DPP6: variants seen among roughly 807,000 people sequenced by gnomAD.
DPP6 encodes the protein dipeptidyl peptidase like 6.
In DPP6, 69 loss-of-function variants were observed where a neutral mutation model predicts 122.6. That is an observed-to-expected ratio of 0.56 (90% CI 0.46 to 0.69). DPP6 has a LOEUF of 0.69. Ranked by LOEUF, DPP6 falls within the 30% of genes least tolerant of loss-of-function variation. The pLI, the probability that DPP6 is intolerant of heterozygous loss-of-function variation, is 0.00. For synonymous variants in DPP6, 418 were observed against 433.1 expected (o/e 0.97, Z 0.43); for missense variants, 928 against 1,116.9 (o/e 0.83, Z 2.41).
intron 7 of DPP6, among the ~76,000 whole-genome samples, chr7:154,703,045 C>T (rs536141800): frequency 1.1e-4 from 16 of 152,288 alleles, no homozygotes; most frequent in South Asian, 4.1e-4. Flanking sequence ...AAGTCTACTC[C>T]GCCTATGCTC....
chr7:154,434,129 C>T (rs1307182698), intron 1 of DPP6, among the ~76,000 whole-genome samples: 1 of 152,146 alleles, frequency 6.6e-6, no homozygotes, highest in African/African-American at 2.4e-5. Flanking sequence ...TAAAATAAAA[C>T]ATTAACAGTC....
chr7:154,760,988 C>A lies in DPP6; in HGVS notation c.884-8429C>A, dbSNP rs758427182. 3.0e-4 allele frequency among the ~76,000 whole-genome samples: 46 copies of A among 152,074 alleles called. No individual in the cohort carries two copies. Among genetic ancestry groups the A allele is most frequent in the Non-Finnish European group, 5.9e-4 (40 of 68,008 alleles). ...TAGCTGGGACTACAGGCGCCTGCCACCATGCCCGGCTAATTTTTGTATTTT... is the reference window on the plus strand; with the variant it reads ...TAGCTGGGACTACAGGCGCCTGCCAACATGCCCGGCTAATTTTTGTATTTT... On this transcript the variant is annotated intron_variant, in intron 8 of 25. Transcript: ENST00000377770. This position sits in a 1 kb window ranked among gnomAD's most constrained non-coding sequence, Gnocchi z 4.5.
At chr7:153,840,249 GA>G in the DPP6 span, among the ~76,000 whole-genome samples, 9 of 151,420 alleles carry the variant, frequency 5.9e-5, no homozygotes, top group Admixed American at 1.3e-4. Flanking sequence ...AAATATCAGA[GA>G]AAAAAAACAT....
intron 16 of DPP6, among the ~76,000 whole-genome samples, chr7:154,816,952 T>A (rs73502116): frequency 0.094 from 14,248 of 152,178 alleles, 740 homozygotes; most frequent in South Asian, 0.15. Context: ...CACAGTTGGT[T>A]CCTGGCAGAA....
chr7:154,500,453 A>G (rs1825136904), intron 3 of DPP6, among the ~76,000 whole-genome samples: 1 of 152,194 alleles, frequency 6.6e-6, no homozygotes, highest in Admixed American at 6.5e-5. Context: ...TTGAATGGTA[A>G]TTCCCACAAT....
At chr7:154,828,903 C>G (rs111514109) in intron 16 of DPP6, among the ~76,000 whole-genome samples, 64 of 152,324 alleles carry the variant, frequency 4.2e-4, no homozygotes, top group African/African-American at 1.5e-3. Flanking sequence ...TTTAGTTTTT[C>G]AGCCCTACTT....
chr7:154,555,018 G>T (rs1829913686), intron 4 of DPP6, among the ~76,000 whole-genome samples: 1 of 152,082 alleles, frequency 6.6e-6, no homozygotes, highest in African/African-American at 2.4e-5. Flanking sequence ...GCTAAAGGTT[G>T]TTTACCAAGA....
At chr7:154,045,712 A>G (rs1585223104) in intron 1 of DPP6, among the ~76,000 whole-genome samples, 1 of 152,364 alleles carries the variant, frequency 6.6e-6, no homozygotes, top group South Asian at 2.1e-4. Flanking sequence ...AAATGTACCA[A>G]AAGGAGCAAG....
intron 7 of DPP6, among the ~76,000 whole-genome samples, chr7:154,711,939 T>TACACACACACAC (rs57187871): frequency 0.016 from 1,034 of 63,822 alleles, 11 homozygotes; most frequent in African/African-American, 0.036. Flanking sequence ...TGTCACTTAA[T>TACACACACACAC]ACACACACAC....
chr7:154,714,016 A>G (rs1841342281), intron 7 of DPP6, among the ~76,000 whole-genome samples: 2 of 152,246 alleles, frequency 1.3e-5, no homozygotes, highest in Non-Finnish European at 2.9e-5. Flanking sequence ...TTGAAGTTCC[A>G]CAGATCTCTG....
intron 1 of DPP6, among the ~76,000 whole-genome samples, chr7:154,407,670 C>G (rs1048621863): frequency 6.6e-6 from 1 of 152,120 alleles, no homozygotes. Flanking sequence ...TTATGGCTTT[C>G]TTTAAAATAA....
intron 8 of DPP6, among the ~76,000 whole-genome samples, chr7:154,751,108 T>G (rs1563169331): frequency 6.6e-6 from 1 of 152,062 alleles, no homozygotes; most frequent in African/African-American, 2.4e-5. Context: ...GTTAGGCAGA[T>G]GGATGTGCTG....
chr7:154,368,896 T>C (rs1487018288), intron 1 of DPP6, among the ~76,000 whole-genome samples: 2 of 152,200 alleles, frequency 1.3e-5, no homozygotes, highest in East Asian at 3.9e-4. Context: ...TGCATTTTTT[T>C]CCTAAACAGG....
chr7:154,764,674 C>A (rs1795791595), intron 8 of DPP6, among the ~76,000 whole-genome samples: 1 of 152,192 alleles, frequency 6.6e-6, no homozygotes, highest in Non-Finnish European at 1.5e-5. Context: ...TCTCTGTATT[C>A]CCAGACCCCA....
chr7:154,851,880 C>A (rs921253774), intron 16 of DPP6, among the ~76,000 whole-genome samples: 1 of 152,152 alleles, frequency 6.6e-6, no homozygotes, highest in Non-Finnish European at 1.5e-5. Flanking sequence ...GGAAAAGGGC[C>A]CTGGACTCCT....
chr7:154,688,473 A>T (rs940711289), intron 7 of DPP6, among the ~76,000 whole-genome samples: 1 of 152,170 alleles, frequency 6.6e-6, no homozygotes, highest in Non-Finnish European at 1.5e-5. Context: ...TTTAGAATTT[A>T]TGTCTGCTAG....
chr7:153,764,281 C>G, the DPP6 span, among the ~76,000 whole-genome samples: 1 of 152,212 alleles, frequency 6.6e-6, no homozygotes, highest in South Asian at 2.1e-4. Flanking sequence ...CTTCTCTTGG[C>G]CCCCTTCCTG....
At chr7:153,893,896 G>T (rs1306920821) in intron 1 of DPP6, among the ~76,000 whole-genome samples, 3 of 152,208 alleles carry the variant, frequency 2.0e-5, no homozygotes, top group Non-Finnish European at 4.4e-5. Context: ...GAGCTGGCAA[G>T]CTCTGATTGG....
At chr7:153,801,228 T>G in the DPP6 span, among the ~76,000 whole-genome samples, 1 of 145,992 alleles carries the variant, frequency 6.8e-6, no homozygotes, top group African/African-American at 2.6e-5. Flanking sequence ...TCATGTGTGT[T>G]TCAGTTTTCA....
Sources: gnomAD v4.1 joint callset for allele counts (sites outside exome capture counted in the v4.1 genomes callset) on GRCh38, gnomAD v4.1.1 for gene constraint, Gnocchi (gnomAD v3.1) non-coding constraint, MANE v1.5 for transcripts, NCBI Gene and HGNC (gene_info 2026-07-23, HGNC 2026-07-21) for gene names.